SVIL: variants seen among roughly 807,000 people sequenced by gnomAD.
SVIL encodes the protein archvillin.
SVIL carries 101 observed loss-of-function variants against 240.4 expected under a neutral mutation model. That is an observed-to-expected ratio of 0.42 (90% confidence interval 0.36 to 0.50). The LOEUF (loss-of-function observed/expected upper bound fraction) is 0.50, where lower values mean the gene tolerates loss of function less well. Ranked by LOEUF, SVIL falls within the 20% of genes least tolerant of loss-of-function variation. The pLI is 0.01. For synonymous variants in SVIL, 999 were observed against 1,100.0 expected (o/e 0.91, Z 1.82); for missense variants, 2,512 against 2,818.7 (o/e 0.89, Z 2.46).
At chr10:29,531,407 C>T (rs951737218) in intron 9 of SVIL, 119 bp from the exon 10 acceptor site, 3 of 961,000 alleles carry the variant, frequency 3.1e-6, no homozygotes, top group Non-Finnish European at 4.7e-6. Flanking sequence ...AAGAAATAAC[C>T]TCCTGGTAGC....
intron 1 of SVIL, among the ~76,000 whole-genome samples, chr10:29,629,069 T>C (rs770907085): frequency 1.3e-5 from 2 of 151,956 alleles, no homozygotes; most frequent in African/African-American, 2.4e-5. Flanking sequence ...TCCTGATCAG[T>C]GCTGAGGAGT....
rs1418085520 is a variant in SVIL at position 29,467,826 on chromosome 10, C to T, written c.5893G>A (p.Glu1965Lys). The T allele has an allele frequency of 1.3e-5, 21 of 1,614,156 alleles. No individual in the cohort carries two copies. The highest frequency in any genetic ancestry group is 1.7e-5 in the Admixed American group (1 of 60,024). Reference sequence around the variant, plus strand: ...AGTGGCTCGGAGCCTTCATCACACTCGTGTATTGTGACTTTGCTGCTACTA... The same window carrying T: ...AGTGGCTCGGAGCCTTCATCACACTTGTGTATTGTGACTTTGCTGCTACTA... ...LHSSSKVTIH[E>K]CDEGSEPLGF... Residue 1965 changes from glutamate (E) to lysine (K), a missense_variant, in exon 33 of 38, where the codon GAG becomes AAG. By Grantham distance (56) the Glu-to-Lys change is moderately conservative (BLOSUM62 1). Transcript: ENST00000355867.
chr10:29,505,983 T>C (rs528008447), intron 17 of SVIL, among the ~76,000 whole-genome samples: 67 of 152,258 alleles, frequency 4.4e-4, no homozygotes, highest in Admixed American at 1.2e-3. Flanking sequence ...ACATCCCCGC[T>C]GTGTACTTTA....
intron 1 of SVIL, among the ~76,000 whole-genome samples, chr10:29,572,173 T>C (rs924912915): frequency 2.6e-5 from 4 of 152,202 alleles, no homozygotes; most frequent in African/African-American, 9.7e-5. Flanking sequence ...AAGAATTATA[T>C]GCTGAATTAA....
At chr10:29,616,022 T>C (rs1041477861) in intron 1 of SVIL, among the ~76,000 whole-genome samples, 2 of 152,234 alleles carry the variant, frequency 1.3e-5, no homozygotes, top group Non-Finnish European at 1.5e-5. Context: ...TGACCAAATT[T>C]AGTTTTTGTT....
intron 35 of SVIL, among the ~76,000 whole-genome samples, chr10:29,463,005 T>G (rs974648052): frequency 4.6e-5 from 7 of 152,176 alleles, no homozygotes; most frequent in African/African-American, 1.7e-4. Flanking sequence ...AACCATGAAC[T>G]TACTATGGGT....
At chr10:29,498,907 T>G (rs1314669998) in intron 18 of SVIL, among the ~76,000 whole-genome samples, 1 of 152,068 alleles carries the variant, frequency 6.6e-6, no homozygotes, top group Non-Finnish European at 1.5e-5. Context: ...CTTCAGCCCA[T>G]GAGTTCGAGG....
At chr10:29,691,237 A>T (rs1290723067) in intron 1 of SVIL, among the ~76,000 whole-genome samples, 1 of 145,400 alleles carries the variant, frequency 6.9e-6, no homozygotes, top group Admixed American at 6.9e-5. Flanking sequence ...TTTGAGACGG[A>T]GTCTCACTCT....
intron 3 of SVIL, among the ~76,000 whole-genome samples, chr10:29,562,291 A>C (rs1954550527): frequency 6.6e-6 from 1 of 152,222 alleles, no homozygotes; most frequent in Non-Finnish European, 1.5e-5. Flanking sequence ...CACTGGTAAC[A>C]CTAGGGGGAA....
intron 1 of SVIL, among the ~76,000 whole-genome samples, chr10:29,721,195 A>G (rs780700490): frequency 6.6e-6 from 1 of 152,112 alleles, no homozygotes; most frequent in Non-Finnish European, 1.5e-5. Context: ...ACAAAGACAT[A>G]TAGCTAATTA....
At chr10:29,517,566 T>G (rs564666415) in intron 16 of SVIL, among the ~76,000 whole-genome samples, 1 of 152,318 alleles carries the variant, frequency 6.6e-6, no homozygotes, top group African/African-American at 2.4e-5. Context: ...ACCTGGAGTT[T>G]GTGGAGACAG....
chr10:29,490,893 T>C lies in SVIL; in HGVS notation c.4146A>G (p.Arg1382=). 3.7e-6 allele frequency: 6 copies of C among 1,614,002 alleles called. No individual in the cohort carries two copies. The highest frequency in any genetic ancestry group is 4.2e-6 in the Non-Finnish European group (5 of 1,179,876). The change falls in exon 22 of 38, where the codon AGA becomes AGG. Residue 1382 remains arginine, a synonymous_variant. Transcript: ENST00000355867. ...TTGACTCCATGAAGGCAACGTTTAA[T>C]CTCTGCTCAGTGTATTCCTGAAGGA... ...EDLLQEYTEQ[R]LNVAFMESKR... is the part of the protein sequence containing the mutation.
At chr10:29,562,769 G>GAAAAAAAAAAAAAAAAAAAAAA (rs34507610) in intron 3 of SVIL, among the ~76,000 whole-genome samples, 1 of 115,716 alleles carries the variant, frequency 8.6e-6, no homozygotes. Flanking sequence ...TCAAAAAAAA[G>GAAAAAAAAAAAAAAAAAAAAAA]AAAAAAAAAA....
chr10:29,494,766 C>G, intron 20 of SVIL, 148 bp downstream of exon 20: 1 of 741,160 alleles, frequency 1.3e-6, no homozygotes, highest in East Asian at 2.5e-5. Context: ...ATTGGGAGTC[C>G]CCAATTTAGT....
intron 1 of SVIL, among the ~76,000 whole-genome samples, chr10:29,620,964 T>TA (rs201731317): frequency 6.6e-6 from 1 of 150,782 alleles, no homozygotes; most frequent in Non-Finnish European, 1.5e-5. Flanking sequence ...TTTTTATTCT[T>TA]AAAATTTTTT....
At chr10:29,610,450 T>TC (rs2132871860) in intron 1 of SVIL, among the ~76,000 whole-genome samples, 1 of 29,736 alleles carries the variant, frequency 3.4e-5, no homozygotes, top group African/African-American at 1.5e-4. Context: ...CACTCTGCAT[T>TC]TTTTTTTTTT....
intron 3 of SVIL, chr10:29,644,129 A>G (rs1958580303): frequency 2.3e-6 from 1 of 430,366 alleles, no homozygotes; most frequent in African/African-American, 2.0e-5. Context: ...GAACAGAACC[A>G]TGGAGGCTGC....
chr10:29,724,631 A>G (rs1554772361), intron 1 of SVIL, among the ~76,000 whole-genome samples: 1 of 152,324 alleles, frequency 6.6e-6, no homozygotes, highest in African/African-American at 2.4e-5. Flanking sequence ...AAGTGGATGG[A>G]CATCATCTAA....
chr10:29,508,218 T>C (rs1292626024), intron 17 of SVIL: 3 of 479,938 alleles, frequency 6.3e-6, no homozygotes, highest in East Asian at 7.1e-5. Context: ...AGGCTGTGTC[T>C]GGTCTGGAGA....
Sources: allele counts gnomAD v4.1 joint callset (sites outside exome capture counted in the v4.1 genomes callset), GRCh38; gene constraint gnomAD v4.1.1; transcripts MANE v1.5; gene names NCBI Gene and HGNC (gene_info 2026-07-23, HGNC 2026-07-21).